Variants in RNF146 observed in about 807,000 individuals in gnomAD.
RNF146 encodes the protein E3 ubiquitin-protein ligase RNF146.
In RNF146, 11 loss-of-function variants were observed where a neutral mutation model predicts 29.7. The observed-to-expected ratio is 0.37, with a 90% CI of 0.23 to 0.61. RNF146 has a LOEUF of 0.61. Among genes scored for constraint, RNF146 ranks in the 20% least tolerant of loss-of-function variants. The pLI is 0.66. For missense variants in RNF146, 342 were observed against 438.9 expected (o/e 0.78, Z 1.97); for synonymous variants, 150 against 159.7 (o/e 0.94, Z 0.46).
At position 127,286,333 on chromosome 6, in the gene RNF146, C is replaced by A; in HGVS notation, c.3-283C>A. 1.7e-6 allele frequency: 1 copy of A among 599,732 alleles called. No individual in the cohort carries two copies. The highest frequency in any genetic ancestry group is 2.5e-6 in the Non-Finnish European group (1 of 394,800). 37.2% of individuals were successfully genotyped at this position (599,732 alleles called of 1,614,324 possible). On this transcript the variant is annotated intron_variant, in intron 2 of 2. Coordinates refer to ENST00000368314, the MANE Select transcript of RNF146 (RefSeq NM_001242850.2). This position sits in a 1 kb window ranked among gnomAD's most constrained non-coding sequence, Gnocchi z 4.6. ...GGTATCCTTTTCCCCTCACTGGATG[C>A]AGCTTTTCATTATATAGTTCTTCAG... is the stretch of plus-strand genomic sequence containing the variant.
At position 127,286,262 on chromosome 6, in the gene RNF146, T is replaced by C. The variant is rs995289840; in HGVS notation, c.3-354T>C. The C allele has an allele frequency of 1.9e-6, 2 of 1,041,048 alleles. No homozygotes were observed. Among genetic ancestry groups the C allele is most frequent in the African/African-American group, 1.7e-5 (1 of 60,396 alleles). 64.5% of individuals were successfully genotyped at this position (1,041,048 alleles called of 1,614,324 possible). ...ACTCTAAAACTCAGATTTTTAGATT[T>C]CTTGTCTAGCATTCATTTCACTGTA... On this transcript the variant is annotated intron_variant, in intron 2 of 2. Transcript: ENST00000368314. The surrounding 1 kb of genome is among the most constrained non-coding windows in gnomAD (Gnocchi z 4.6).
Position 127,287,378 on chromosome 6 carries a change from C to T in RNF146, c.765C>T (p.Asp255=), listed in dbSNP as rs1779661111. ...DSFAHLQLSG[D]NTAERSHRGE... ...TTGCTCATTTACAACTCAGTGGAGA[C>T]AACACAGCTGAAAGGAGTCATAGGG... The change falls in exon 3 of 3, where the codon GAC becomes GAT. Residue 255 remains aspartate (D), a synonymous_variant. Transcript: ENST00000368314. The T allele has an allele frequency of 6.2e-7, 1 of 1,613,372 alleles. No homozygotes were observed. Among genetic ancestry groups the T allele is most frequent in the Non-Finnish European group, 8.5e-7 (1 of 1,179,630 alleles).
intron 1 of RNF146, among the ~76,000 whole-genome samples, chr6:127,272,826 T>TAATA (rs572603187): frequency 1.9e-4 from 29 of 152,238 alleles, no homozygotes; most frequent in Non-Finnish European, 3.8e-4. Flanking sequence ...ATTTAACTAC[T>TAATA]AATAGCCTAC....
Position 127,287,644 on chromosome 6 carries a change from G to C in RNF146, c.1031G>C (p.Ser344Thr). The C allele has an allele frequency of 6.2e-7, 1 of 1,609,370 alleles. No homozygotes were observed. ...GCAGGGGGTGGAACAGTGAGTGTCA[G>C]TGTCAGATCTAGAAGGCCTGATGGA... ...SVAGGGTVSV[S>T]VRSRRPDGQC... The change falls in exon 3 of 3, where the codon AGT (serine) becomes ACT (threonine). Residue 344 changes from serine to threonine, a missense_variant. Around this residue, in one of 6 missense-constraint regions of RNF146, gnomAD observed 196 missense variants for 208.9 expected, o/e 0.94. Coordinates refer to ENST00000368314, the MANE Select transcript of RNF146 (RefSeq NM_001242850.2).
At chr6:127,266,757 GA>G (rs1287265177), upstream of RNF146, 1 of 152,100 alleles carries the variant, frequency 6.6e-6, no homozygotes, top group African/African-American at 2.4e-5. Context: ...GCAGAACGAT[GA>G]GGCGCCGGAG....
chr6:127,281,145 T>C (rs1778862418), intron 2 of RNF146, among the ~76,000 whole-genome samples: 3 of 151,666 alleles, frequency 2.0e-5, no homozygotes, highest in African/African-American at 7.2e-5. Context: ...ACTGGTTACA[T>C]GTAATGATAT....
At chr6:127,278,512 A>G (rs1778532919) in intron 1 of RNF146, among the ~76,000 whole-genome samples, 1 of 152,012 alleles carries the variant, frequency 6.6e-6, no homozygotes, top group South Asian at 2.1e-4. Flanking sequence ...ATTGTAGCAC[A>G]TATTTCTTTT....
rs1324253968 is a variant in RNF146 at position 127,288,342 on chromosome 6, A to C, written c.*649A>C. On this transcript the variant is annotated 3_prime_UTR_variant, in exon 3 of 3. Transcript: ENST00000368314. ...TGATTACAAAATTTATAATTTAATA[A>C]ATACTAGAGTTTATCAAAAACAGTT... 1.2e-5 allele frequency: 2 copies of C among 166,806 alleles called. No homozygotes were observed. Among genetic ancestry groups the C allele is most frequent in the Non-Finnish European group, 2.9e-5 (2 of 68,038 alleles). 10.3% of individuals were successfully genotyped at this position (166,806 alleles called of 1,614,324 possible). A position where few individuals can be genotyped will look rare whatever the true frequency, so the allele number is the denominator to read the frequency against.
chr6:127,286,539 A>T lies in RNF146; in HGVS notation c.3-77A>T. The T allele has an allele frequency of 2.4e-6, 3 of 1,257,132 alleles. No individual in the cohort carries two copies. The highest frequency in any genetic ancestry group is 2.2e-6 in the Non-Finnish European group (2 of 904,764). The allele number at this position is 1,257,132 out of a possible 1,614,324, so 77.9% of individuals were successfully genotyped here. On this transcript the variant is annotated intron_variant, in intron 2 of 2. Coordinates refer to ENST00000368314, the MANE Select transcript of RNF146 (RefSeq NM_001242850.2). This position sits in a 1 kb window ranked among gnomAD's most constrained non-coding sequence, Gnocchi z 4.6. Reference sequence around the variant, plus strand: ...CATATAATGCACATCATAGGTGGTTAGTGTTTTCATAATTGTTAAATTAAG... The same window carrying T: ...CATATAATGCACATCATAGGTGGTTTGTGTTTTCATAATTGTTAAATTAAG...
intron 2 of RNF146, among the ~76,000 whole-genome samples, chr6:127,283,985 A>C (rs1261084080): frequency 6.6e-6 from 1 of 151,774 alleles, no homozygotes; most frequent in South Asian, 2.1e-4. Flanking sequence ...CTTAGTTTTG[A>C]AATTATGTGT....
chr6:127,278,283 G>T (rs796390932), intron 1 of RNF146, among the ~76,000 whole-genome samples: 3 of 151,706 alleles, frequency 2.0e-5, no homozygotes, highest in African/African-American at 7.3e-5. Context: ...ACAATGTTAT[G>T]CAACTATCAC....
At chr6:127,274,932 TAAAAC>T (rs147643999) in intron 1 of RNF146, among the ~76,000 whole-genome samples, 10,587 of 152,168 alleles carry the variant, frequency 0.07, 384 homozygotes, top group South Asian at 0.097. Flanking sequence ...CGCTGTCTCT[TAAAAC>T]AAAACAAAAC....
rs764859732 is a variant in RNF146, at chr6:127,283,444, G to C, written c.2+3104G>C. On this transcript the variant is annotated intron_variant, in intron 2 of 2. Transcript: ENST00000368314. Reference sequence around the variant, plus strand: ...TGCTCTACACAAAGGGAGGGGAAAAGCTTTCTTATTTACATATTGGTATGA... The same window carrying C: ...TGCTCTACACAAAGGGAGGGGAAAACCTTTCTTATTTACATATTGGTATGA... Among the ~76,000 whole-genome samples, 88 of 151,704 alleles carry C rather than the reference G, an allele frequency of 5.8e-4. 1 individual carries two copies. Among genetic ancestry groups the C allele is most frequent in the East Asian group, 1.9e-4 (1 of 5,158 alleles).
chr6:127,287,580 CCCGATCGATCAGATCGATCGGGAA>C lies in RNF146; in HGVS notation c.969_992del (p.Asp327_Ser334del). 1 of 1,612,874 alleles carries C rather than the reference CCCGATCGATCAGATCGATCGGGAA, an allele frequency of 6.2e-7. No individual in the cohort carries two copies. The highest frequency in any genetic ancestry group is 8.5e-7 in the Non-Finnish European group (1 of 1,179,350). ...GGTTTCTAATGCAAACCAGACAGTA[CCCGATCGATCAGATCGATCGGGAA>C]CTGATCGATCAGTAGCAGGGGGTGG... On this transcript the variant is annotated inframe_deletion, in exon 3 of 3. Coordinates refer to ENST00000368314, the MANE Select transcript of RNF146 (RefSeq NM_001242850.2).
At chr6:127,267,112 C>A (rs1776719762) in intron 1 of RNF146, 187 bp downstream of exon 1, 1 of 152,342 alleles carries the variant, frequency 6.6e-6, no homozygotes, top group Non-Finnish European at 1.5e-5. Flanking sequence ...AGATGGACGC[C>A]CTTGGGCTGG....
chr6:127,268,536 T>C (rs1424484957), intron 1 of RNF146, among the ~76,000 whole-genome samples: 1 of 152,228 alleles, frequency 6.6e-6, no homozygotes, highest in African/African-American at 2.4e-5. Context: ...AAATAGATTT[T>C]GGATGTGTTT....
chr6:127,267,457 G>A (rs1343297749), intron 1 of RNF146, among the ~76,000 whole-genome samples: 1 of 152,196 alleles, frequency 6.6e-6, no homozygotes, highest in African/African-American at 2.4e-5. Flanking sequence ...GTTTTTCGGC[G>A]GTAGCCTGCT....
Position 127,286,330 on chromosome 6 carries a change from A to T in RNF146, c.3-286A>T. On this transcript the variant is annotated intron_variant, in intron 2 of 2. Transcript: ENST00000368314. This position sits in a 1 kb window ranked among gnomAD's most constrained non-coding sequence, Gnocchi z 4.6. The stretch of plus-strand genomic sequence containing the variant: ...CAAGGTATCCTTTTCCCCTCACTGG[A>T]TGCAGCTTTTCATTATATAGTTCTT... 1.6e-6 allele frequency: 1 copy of T among 607,728 alleles called. No individual in the cohort carries two copies. The highest frequency in any genetic ancestry group is 3.2e-5 in the East Asian group (1 of 30,812). The allele number at this position is 607,728 out of a possible 1,614,324, so 37.6% of individuals were successfully genotyped here. A position where few individuals can be genotyped will look rare whatever the true frequency, so the allele number is the denominator to read the frequency against.
chr6:127,286,879 T>C lies in RNF146; in HGVS notation c.266T>C (p.Leu89Ser). Residue 89 changes from leucine to serine, a missense_variant, in exon 3 of 3, where the codon TTG becomes TCG. Physicochemically the swap from Leu to Ser is moderately radical, Grantham distance 145. This residue lies in a region of RNF146 where 50 missense variants were observed against 54.9 expected (regional missense o/e 0.91). Transcript: ENST00000368314. The surrounding 1 kb of genome is among the most constrained non-coding windows in gnomAD (Gnocchi z 4.6). ...GATTTCCTTGACAAGCCAACCTTGT[T>C]GTCACCAGAAGAACTCAAGGCAGCA... ...PEDFLDKPTLLSPEELKAASR... is the reference protein window; with the variant it reads ...PEDFLDKPTLSSPEELKAASR... The C allele has an allele frequency of 6.2e-7, 1 of 1,613,250 alleles. No homozygotes were observed. Among genetic ancestry groups the C allele is most frequent in the Non-Finnish European group, 8.5e-7 (1 of 1,179,590 alleles).
Sources: allele counts gnomAD v4.1 joint callset (sites outside exome capture counted in the v4.1 genomes callset), GRCh38; gene constraint gnomAD v4.1.1; regional missense constraint gnomAD v4.1.1; non-coding constraint Gnocchi (gnomAD v3.1); transcripts MANE v1.5; gene names NCBI Gene and HGNC (gene_info 2026-07-23, HGNC 2026-07-21).